Variants in USP32 observed in about 807,000 individuals in gnomAD.
The protein encoded by USP32 is ubiquitin specific peptidase 32, also known as ubiquitin carboxyl-terminal hydrolase 32.
USP32 carries 59 observed loss-of-function variants against 204.8 expected under a neutral mutation model. The observed-to-expected ratio is 0.29, with a 90% CI of 0.23 to 0.36. The LOEUF is 0.36. Among genes scored for constraint, USP32 ranks in the 10% least tolerant of loss-of-function variants. USP32 has a pLI of 1.00. For missense variants in USP32, 1,160 were observed against 1,946.4 expected (o/e 0.60, Z 7.60); for synonymous variants, 517 against 678.4 (o/e 0.76, Z 3.70).
At chr17:60,191,711 G>A (rs1416478246) in intron 28 of USP32, among the ~76,000 whole-genome samples, 2 of 151,368 alleles carry the variant, frequency 1.3e-5, no homozygotes, top group South Asian at 2.1e-4. Context: ...GGGTTTCACC[G>A]TGTTAGCTAG....
chr17:60,189,309 A>G (rs575671485), intron 29 of USP32, among the ~76,000 whole-genome samples: 1 of 152,352 alleles, frequency 6.6e-6, no homozygotes, highest in South Asian at 2.1e-4. Context: ...GGATCTAAAT[A>G]AGAAACTAGG....
At chr17:60,228,472 C>T (rs1450353350) in intron 12 of USP32, among the ~76,000 whole-genome samples, 1 of 150,570 alleles carries the variant, frequency 6.6e-6, no homozygotes, top group Non-Finnish European at 1.5e-5. Flanking sequence ...AAATACATGA[C>T]ATTTAAATTA....
intron 29 of USP32, among the ~76,000 whole-genome samples, chr17:60,187,946 C>G (rs2084290644): frequency 6.6e-6 from 1 of 152,020 alleles, no homozygotes; most frequent in Non-Finnish European, 1.5e-5. Flanking sequence ...AGAGAGTGGC[C>G]TAAGAATTTG....
At chr17:60,195,283 C>A (rs779659270) in intron 27 of USP32, among the ~76,000 whole-genome samples, 5 of 152,220 alleles carry the variant, frequency 3.3e-5, no homozygotes, top group Non-Finnish European at 5.9e-5. Flanking sequence ...TCCTGAAATA[C>A]TTCCTTCACT....
chr17:60,382,642 T>TACTC, intron 1 of USP32, among the ~76,000 whole-genome samples: 1 of 152,354 alleles, frequency 6.6e-6, no homozygotes, highest in Non-Finnish European at 1.5e-5. Context: ...GCTCTGTGTG[T>TACTC]TGAATTTTAT....
At chr17:60,198,684 G>T (rs1167081314) in intron 26 of USP32, among the ~76,000 whole-genome samples, 1 of 152,116 alleles carries the variant, frequency 6.6e-6, no homozygotes, top group Non-Finnish European at 1.5e-5. Context: ...ATCAAATTTG[G>T]GTTTCAGCAA....
chr17:60,251,933 A>T (rs1203890693), intron 11 of USP32, among the ~76,000 whole-genome samples: 2 of 152,034 alleles, frequency 1.3e-5, no homozygotes, highest in Admixed American at 6.5e-5. Context: ...GGAATAAAGT[A>T]GGTATTTCAG....
chr17:60,272,874 CAT>C (rs1046657586), intron 5 of USP32, among the ~76,000 whole-genome samples: 5 of 152,210 alleles, frequency 3.3e-5, no homozygotes, highest in African/African-American at 1.2e-4. Flanking sequence ...GAAATCTGCA[CAT>C]GTGTCTTACT....
chr17:60,349,616 TATATATATTATA>T (rs1375948248), intron 1 of USP32, among the ~76,000 whole-genome samples: 2 of 68,528 alleles, frequency 2.9e-5, no homozygotes, highest in African/African-American at 2.5e-4. Context: ...TATATATATA[TATATATATTATA>T]TATATATATA....
chr17:60,205,607 C>T lies in USP32; in HGVS notation c.3089G>A (p.Gly1030Glu), dbSNP rs747878007. The T allele has an allele frequency of 6.2e-7, 1 of 1,613,798 alleles. No homozygotes were observed. The highest frequency in any genetic ancestry group is 1.1e-5 in the South Asian group (1 of 91,052). The change falls in exon 26 of 34, where the codon GGG (glycine) becomes GAG (glutamate). Residue 1030 changes from glycine (G) to glutamate (E), a missense_variant. Gly to Glu is a moderately conservative substitution (Grantham distance 98, BLOSUM62 -2). This residue lies in a region of USP32 where 47 missense variants were observed against 71.1 expected (regional missense o/e 0.66). Coordinates refer to ENST00000300896, the MANE Select transcript of USP32 (RefSeq NM_032582.4). ...TNEMFTLTTNGDLPRPIFIPN... is the reference protein window; with the variant it reads ...TNEMFTLTTNEDLPRPIFIPN... ...GATGAATATTGGTCGGGGTAGGTCC[C>T]CATTGGTAGTTAGGGTGAACATTTC...
At chr17:60,282,452 C>A (rs1195426591) in intron 5 of USP32, among the ~76,000 whole-genome samples, 1 of 152,176 alleles carries the variant, frequency 6.6e-6, no homozygotes, top group Admixed American at 6.5e-5. Context: ...CTCCCAGGTT[C>A]AAGCTATTCT....
At chr17:60,377,270 G>T (rs1444529861) in intron 1 of USP32, among the ~76,000 whole-genome samples, 8 of 151,706 alleles carry the variant, frequency 5.3e-5, no homozygotes. Flanking sequence ...GACCAGCCTG[G>T]GCAACACAGC....
At chr17:60,331,992 T>G (rs1470516096) in intron 2 of USP32, among the ~76,000 whole-genome samples, 1 of 151,982 alleles carries the variant, frequency 6.6e-6, no homozygotes, top group Non-Finnish European at 1.5e-5. Context: ...CCTGTAAACC[T>G]AGCACTTTGG....
intron 29 of USP32, among the ~76,000 whole-genome samples, chr17:60,189,323 A>T (rs544622229): frequency 6.6e-6 from 1 of 152,364 alleles, no homozygotes; most frequent in Admixed American, 6.5e-5. Context: ...AACTAGGTCT[A>T]GAATTGGTAG....
chr17:60,391,981 G>GC lies in USP32; in HGVS notation c.-43dup. 2 of 1,585,548 alleles carry GC rather than the reference G, an allele frequency of 1.3e-6. No individual in the cohort carries two copies. Among genetic ancestry groups the GC allele is most frequent in the South Asian group, 2.3e-5 (2 of 87,716 alleles). ...CGGCGGGGGGTCGGAGCCTGATCTC[G>GC]CCCCCACCCCCCTCCCGCCTTCTCC... On this transcript the variant is annotated 5_prime_UTR_variant, in exon 1 of 34. Transcript: ENST00000300896.
chr17:60,366,827 CT>C (rs1307694670), intron 1 of USP32, among the ~76,000 whole-genome samples: 1 of 151,326 alleles, frequency 6.6e-6, no homozygotes, highest in Non-Finnish European at 1.5e-5. Flanking sequence ...TAAGCCCACT[CT>C]TTTTTTTCTT....
At chr17:60,198,528 A>G in intron 26 of USP32, 84 bp from the exon 27 acceptor site, 8 of 1,456,680 alleles carry the variant, frequency 5.5e-6, no homozygotes, top group African/African-American at 1.4e-5. Context: ...CCTGCCAATG[A>G]CAGGCACTAT....
At chr17:60,263,161 T>C (rs1033501349) in intron 9 of USP32, among the ~76,000 whole-genome samples, 4 of 152,126 alleles carry the variant, frequency 2.6e-5, no homozygotes, top group African/African-American at 9.7e-5. Flanking sequence ...TTACCCAGGC[T>C]GGTCGAGAGC....
chr17:60,286,136 CAAAAAAA>C (rs1170911336), intron 5 of USP32, among the ~76,000 whole-genome samples: 1 of 84,214 alleles, frequency 1.2e-5, no homozygotes, highest in Non-Finnish European at 2.8e-5. Flanking sequence ...ACAGTGTGTC[CAAAAAAA>C]AAAAAAAAAG....
Sources: allele counts gnomAD v4.1 joint callset (sites outside exome capture counted in the v4.1 genomes callset), GRCh38; gene constraint gnomAD v4.1.1; regional missense constraint gnomAD v4.1.1; transcripts MANE v1.5; gene names NCBI Gene and HGNC (gene_info 2026-07-23, HGNC 2026-07-21).